Variants in MPRIP observed in about 807,000 individuals in gnomAD.
The protein encoded by MPRIP is myosin phosphatase Rho-interacting protein.
Under a neutral mutation model 234.9 loss-of-function variants are expected in MPRIP, and 59 were observed. The ratio of observed to expected loss-of-function variants is 0.25; its 90% confidence interval spans 0.20 to 0.31. The LOEUF is 0.31. Ranked by LOEUF, MPRIP falls within the 10% of genes least tolerant of loss-of-function variation. The pLI, the probability that MPRIP is intolerant of heterozygous loss-of-function variation, is 1.00. For synonymous variants in MPRIP, 1,144 were observed against 1,263.9 expected, an observed-to-expected ratio of 0.91 and a Z score of 2.01; for missense variants, 2,436 against 3,071.0, an observed-to-expected ratio of 0.79 and a Z score of 4.89.
In MPRIP at chr17:17,166,725, C is replaced by A. The variant is rs540974716; in HGVS notation, c.5134C>A (p.Leu1712Met). Residue 1712 changes from leucine (L) to methionine (M), a missense_variant, in exon 16 of 24, where the codon CTG (leucine) becomes ATG (methionine). This residue lies in a region of MPRIP where 1,998 missense variants were observed against 2,520.3 expected (regional missense o/e 0.79). Coordinates refer to ENST00000651222, the MANE Select transcript of MPRIP (RefSeq NM_001364716.4). This position sits in a 1 kb window ranked among gnomAD's most constrained non-coding sequence, Gnocchi z 4.4. ...RQHKCLLREI[L>M]GAYQTPDFER... is the part of the protein sequence containing the mutation. ...GCACAAATGCCTGCTGAGGGAAATC[C>A]TGGGAGCCTACCAAACCCCAGACTT... The A allele has an allele frequency of 1.5e-6, 2 of 1,304,170 alleles. No individual in the cohort carries two copies. Among genetic ancestry groups the A allele is most frequent in the South Asian group, 2.5e-5 (2 of 81,032 alleles). 80.8% of individuals were successfully genotyped at this position (1,304,170 alleles called of 1,614,324 possible).
intron 1 of MPRIP, among the ~76,000 whole-genome samples, chr17:17,049,882 G>T (rs2088478179): frequency 2.0e-5 from 3 of 152,190 alleles, no homozygotes; most frequent in South Asian, 2.1e-4. Context: ...TTTTCCAGCG[G>T]CTACGTTAAA....
chr17:17,089,296 GGA>G, intron 3 of MPRIP, among the ~76,000 whole-genome samples: 1 of 152,292 alleles, frequency 6.6e-6, no homozygotes, highest in African/African-American at 2.4e-5. Flanking sequence ...AGGTCCCGGG[GGA>G]GAATCCCCTC....
chr17:17,051,796 G>A (rs2088550126), intron 1 of MPRIP, among the ~76,000 whole-genome samples: 1 of 152,314 alleles, frequency 6.6e-6, no homozygotes, highest in Admixed American at 6.5e-5. Context: ...CCACTCACTG[G>A]TTTTCTCAGT....
At chr17:17,156,186 A>G (rs558453681) in intron 13 of MPRIP, among the ~76,000 whole-genome samples, 87 of 152,322 alleles carry the variant, frequency 5.7e-4, no homozygotes, top group Middle Eastern at 3.4e-3. Context: ...GATGTCAGGA[A>G]TGCACCTGTG....
chr17:17,047,544 A>G (rs922632404), intron 1 of MPRIP, among the ~76,000 whole-genome samples: 3 of 152,240 alleles, frequency 2.0e-5, no homozygotes, highest in African/African-American at 7.2e-5. Flanking sequence ...GGTTAAAGGC[A>G]GAAGATCTAC....
chr17:17,075,573 C>T (rs1004089372), intron 1 of MPRIP, 137 bp from the exon 2 acceptor site: 37 of 735,362 alleles, frequency 5.0e-5, no homozygotes, highest in Non-Finnish European at 7.9e-5. Flanking sequence ...GCAGACGCAC[C>T]GCAGTGGAAA....
intron 17 of MPRIP, among the ~76,000 whole-genome samples, chr17:17,172,471 C>G (rs150583646): frequency 1.9e-4 from 29 of 152,314 alleles, no homozygotes; most frequent in African/African-American, 5.8e-4. Flanking sequence ...AAAAGCCAAA[C>G]GTGCATTCCT....
In MPRIP at chr17:17,185,470, C is replaced by T. The variant is rs1250217815; in HGVS notation, c.*576C>T. ...ACTGATGCAGCTTAGAACCACACCC[C>T]TGAGAGTCGTGGCAAACCTTTCACA... On this transcript the variant is annotated 3_prime_UTR_variant, in exon 24 of 24. Coordinates refer to ENST00000651222, the MANE Select transcript of MPRIP (RefSeq NM_001364716.4). The T allele has an allele frequency of 2.2e-6, 1 of 457,220 alleles. No homozygotes were observed. The highest frequency in any genetic ancestry group is 6.9e-5 in the East Asian group (1 of 14,404). The allele number at this position is 457,220 out of a possible 1,614,324, so 28.3% of individuals were successfully genotyped here. A position where few individuals can be genotyped will look rare whatever the true frequency, so the allele number is the denominator to read the frequency against.
At chr17:17,064,753 A>G (rs749533842) in intron 1 of MPRIP, among the ~76,000 whole-genome samples, 1 of 152,150 alleles carries the variant, frequency 6.6e-6, no homozygotes, top group Non-Finnish European at 1.5e-5. Flanking sequence ...CTCGCATTCC[A>G]TGGTAAGAGG....
intron 1 of MPRIP, among the ~76,000 whole-genome samples, chr17:17,064,345 G>A (rs2088959040): frequency 6.6e-6 from 1 of 152,214 alleles, no homozygotes; most frequent in South Asian, 2.1e-4. Flanking sequence ...GGGACTACAG[G>A]TGCGTGCCAC....
At chr17:17,046,026 T>C (rs946938346) in intron 1 of MPRIP, among the ~76,000 whole-genome samples, 7 of 152,282 alleles carry the variant, frequency 4.6e-5, no homozygotes, top group African/African-American at 1.7e-4. Context: ...AGGATGGTCT[T>C]GATCTCCTGA....
At chr17:17,079,591 G>A (rs943285431) in intron 3 of MPRIP, among the ~76,000 whole-genome samples, 1 of 152,198 alleles carries the variant, frequency 6.6e-6, no homozygotes, top group Non-Finnish European at 1.5e-5. Context: ...GACTGGCTGA[G>A]TCCTGCAATT....
At position 17,167,215 on chromosome 17, in the gene MPRIP, C is replaced by T; in HGVS notation, c.5624C>T (p.Pro1875Leu). The T allele has an allele frequency of 7.7e-7, 1 of 1,304,020 alleles. No individual in the cohort carries two copies. Among genetic ancestry groups the T allele is most frequent in the South Asian group, 1.2e-5 (1 of 81,018 alleles). The allele number at this position is 1,304,020 out of a possible 1,614,324, so 80.8% of individuals were successfully genotyped here. A position where few individuals can be genotyped will look rare whatever the true frequency, so the allele number is the denominator to read the frequency against. Reference sequence around the variant, plus strand: ...AAGGAGTCCTGGCAAACCCGGGAGCCCTCCTGCTCAGAGCAGGCACAGGCA... The same window carrying T: ...AAGGAGTCCTGGCAAACCCGGGAGCTCTCCTGCTCAGAGCAGGCACAGGCA... ...LCKESWQTRE[P>L]SCSEQAQAAR... The change falls in exon 16 of 24, where the codon CCC becomes CTC. Residue 1875 changes from proline to leucine, a missense_variant. Physicochemically the swap from Pro to Leu is moderately conservative, Grantham distance 98. This residue lies in a region of MPRIP where 1,998 missense variants were observed against 2,520.3 expected (regional missense o/e 0.79). Coordinates refer to ENST00000651222, the MANE Select transcript of MPRIP (RefSeq NM_001364716.4). This position sits in a 1 kb window ranked among gnomAD's most constrained non-coding sequence, Gnocchi z 5.9.
At chr17:17,134,826 G>C (rs1010407670) in intron 5 of MPRIP, among the ~76,000 whole-genome samples, 1 of 152,218 alleles carries the variant, frequency 6.6e-6, no homozygotes, top group African/African-American at 2.4e-5. Context: ...GAGGTGGGTG[G>C]GTGAGACTGG....
intron 2 of MPRIP, 192 bp from the exon 3 acceptor site, chr17:17,077,819 C>A: frequency 3.4e-6 from 2 of 593,756 alleles, no homozygotes; most frequent in East Asian, 5.7e-5. Flanking sequence ...GCCTGTCTCC[C>A]AGCCCAGTCC....
intron 3 of MPRIP, among the ~76,000 whole-genome samples, chr17:17,117,691 A>G (rs1200147184): frequency 6.6e-6 from 1 of 152,202 alleles, no homozygotes; most frequent in African/African-American, 2.4e-5. Context: ...TATATGTTCG[A>G]GTACCTGTCT....
intron 3 of MPRIP, among the ~76,000 whole-genome samples, chr17:17,090,132 C>T (rs1054366859): frequency 1.2e-4 from 19 of 152,288 alleles, no homozygotes; most frequent in African/African-American, 4.6e-4. Flanking sequence ...TGCAGACAGG[C>T]ATGGTGTTGC....
At chr17:17,064,104 A>G (rs1481702878) in intron 1 of MPRIP, among the ~76,000 whole-genome samples, 1 of 152,142 alleles carries the variant, frequency 6.6e-6, no homozygotes, top group Non-Finnish European at 1.5e-5. Context: ...CATGGCAGGC[A>G]GGCGTCACTG....
chr17:17,098,067 G>A (rs573628281), intron 3 of MPRIP, among the ~76,000 whole-genome samples: 5 of 152,286 alleles, frequency 3.3e-5, no homozygotes, highest in East Asian at 1.9e-4. Context: ...GCCTCCCTGC[G>A]CTGCTTCTGC....
Sources: gnomAD v4.1 joint callset for allele counts (sites outside exome capture counted in the v4.1 genomes callset) on GRCh38, gnomAD v4.1.1 for gene constraint, gnomAD v4.1.1 regional missense constraint, Gnocchi (gnomAD v3.1) non-coding constraint, MANE v1.5 for transcripts, NCBI Gene and HGNC (gene_info 2026-07-23, HGNC 2026-07-21) for gene names.